Variants in RBFOX2 observed in about 807,000 individuals in gnomAD.
RBFOX2 encodes the protein RNA binding protein fox-1 homolog 2.
Under a neutral mutation model 49.1 loss-of-function variants are expected in RBFOX2, and 10 were observed. The ratio of observed to expected loss-of-function variants is 0.20; its 90% CI spans 0.13 to 0.35. RBFOX2 has a LOEUF of 0.35. Ranked by LOEUF, RBFOX2 falls within the 10% of genes least tolerant of loss-of-function variation. The pLI is 1.00. For synonymous variants in RBFOX2, 183 were observed against 187.4 expected, an observed-to-expected ratio of 0.98 and a Z score of 0.19; for missense variants, 323 against 486.9, an observed-to-expected ratio of 0.66 and a Z score of 3.17.
chr22:36,026,390 C>A (rs894139227), intron 1 of RBFOX2, among the ~76,000 whole-genome samples: 3 of 152,066 alleles, frequency 2.0e-5, no homozygotes, highest in African/African-American at 7.2e-5. Flanking sequence ...CACACCCCTG[C>A]GAAGTCCCTA....
chr22:35,745,960 G>C lies in RBFOX2; in HGVS notation c.1012C>G (p.Pro338Ala), dbSNP rs773996802. Residue 338 changes from proline to alanine, a missense_variant, in exon 11 of 12, where the codon CCC becomes GCC. This residue lies in a region of RBFOX2 where 200 missense variants were observed against 370.0 expected (regional missense o/e 0.54). Coordinates refer to ENST00000405409, the Ensembl canonical transcript of RBFOX2. ...TCCATAGCTAGCGGCAGGGGCAAGG[G>C]CATGGTAGGGGTCGGCTGTGTACAC... 49 of 1,613,942 alleles carry C rather than the reference G, an allele frequency of 3.0e-5. No individual in the cohort carries two copies. The highest frequency in any genetic ancestry group is 4.0e-5 in the Non-Finnish European group (47 of 1,179,940).
At chr22:35,889,788 T>G (rs980175735) in intron 1 of RBFOX2, among the ~76,000 whole-genome samples, 3 of 152,186 alleles carry the variant, frequency 2.0e-5, no homozygotes, top group African/African-American at 7.2e-5. Flanking sequence ...TCTAGTTCTC[T>G]AATTGTGTAG....
intron 4 of RBFOX2, among the ~76,000 whole-genome samples, chr22:35,771,694 T>C (rs913137929): frequency 2.0e-5 from 3 of 152,196 alleles, no homozygotes; most frequent in Non-Finnish European, 4.4e-5. Context: ...TGATTTTCCA[T>C]CAACCCAAAC....
intron 1 of RBFOX2, among the ~76,000 whole-genome samples, chr22:35,835,859 G>A (rs1436558328): frequency 6.6e-6 from 1 of 152,022 alleles, no homozygotes. Context: ...AGACAATCTT[G>A]GCCTCAGCGA....
At chr22:35,919,275 C>T (rs893406479) in intron 1 of RBFOX2, among the ~76,000 whole-genome samples, 1 of 152,172 alleles carries the variant, frequency 6.6e-6, no homozygotes, top group Non-Finnish European at 1.5e-5. Context: ...CAGTGGCTCA[C>T]GCCTGTAATT....
At chr22:35,844,553 G>A (rs1456399905), upstream of RBFOX2, among the ~76,000 whole-genome samples, 1 of 151,716 alleles carries the variant, frequency 6.6e-6, no homozygotes, top group Non-Finnish European at 1.5e-5. Flanking sequence ...GGAGTGCAGT[G>A]GCACGATCTC....
chr22:35,917,660 G>A (rs1053352144), intron 1 of RBFOX2, among the ~76,000 whole-genome samples: 3 of 152,050 alleles, frequency 2.0e-5, no homozygotes, highest in Non-Finnish European at 4.4e-5. Context: ...TGGACACAGT[G>A]CACTGCACGG....
At chr22:36,024,884 T>A (rs1051621081) in intron 1 of RBFOX2, among the ~76,000 whole-genome samples, 1 of 152,018 alleles carries the variant, frequency 6.6e-6, no homozygotes, top group Admixed American at 6.6e-5. Flanking sequence ...CTCAGCTAAC[T>A]GCAACCTCCG....
chr22:35,761,559 G>T, intron 6 of RBFOX2, 91 bp from the exon 8 acceptor site: 1 of 1,369,526 alleles, frequency 7.3e-7, no homozygotes, highest in Non-Finnish European at 1.0e-6. Context: ...CCATCTCTGG[G>T]GCTATTTTTG....
intron 2 of RBFOX2, 100 bp downstream of exon 3, chr22:35,809,680 G>C: frequency 7.7e-7 from 1 of 1,296,948 alleles, no homozygotes; most frequent in Non-Finnish European, 1.1e-6. Context: ...AGGTGTAAAT[G>C]CTAAATTAAT....
At chr22:35,778,613 T>A (rs1047638336) in intron 3 of RBFOX2, among the ~76,000 whole-genome samples, 5 of 151,678 alleles carry the variant, frequency 3.3e-5, no homozygotes, top group Non-Finnish European at 7.4e-5. Context: ...TAAGTAACTA[T>A]AGACATCAGA....
chr22:35,961,456 G>C (rs937520958), intron 1 of RBFOX2: 4 of 1,200,022 alleles, frequency 3.3e-6, no homozygotes, highest in Non-Finnish European at 4.4e-6. Flanking sequence ...AATTCCACAC[G>C]ACCGACCTCT....
intron 1 of RBFOX2, among the ~76,000 whole-genome samples, chr22:35,920,207 G>C (rs1244169764): frequency 6.6e-6 from 1 of 152,180 alleles, no homozygotes; most frequent in Non-Finnish European, 1.5e-5. Context: ...GTATCTAATT[G>C]CATGTGGTTA....
chr22:35,799,682 T>C (rs575214223), intron 2 of RBFOX2, among the ~76,000 whole-genome samples: 15 of 152,214 alleles, frequency 9.9e-5, no homozygotes, highest in Middle Eastern at 6.8e-3. Flanking sequence ...ATGTGGTGGC[T>C]CACTTCTGTA....
chr22:35,883,389 A>G (rs750018147), intron 1 of RBFOX2, among the ~76,000 whole-genome samples: 9 of 152,224 alleles, frequency 5.9e-5, no homozygotes, highest in Non-Finnish European at 1.3e-4. Flanking sequence ...TAGAAGCCCT[A>G]TTGTTTGACG....
At chr22:35,783,149 C>T (rs976759818) in intron 2 of RBFOX2, among the ~76,000 whole-genome samples, 1 of 152,180 alleles carries the variant, frequency 6.6e-6, no homozygotes, top group Non-Finnish European at 1.5e-5. Context: ...CAGAAAACCA[C>T]GTTTTTGCTG....
chr22:35,852,936 A>G (rs1301842875), intron 1 of RBFOX2, among the ~76,000 whole-genome samples: 1 of 152,230 alleles, frequency 6.6e-6, no homozygotes, highest in Non-Finnish European at 1.5e-5. Context: ...CAATTTCCAG[A>G]GAAAGATTTA....
chr22:35,909,101 C>T (rs908933117), intron 1 of RBFOX2, among the ~76,000 whole-genome samples: 12 of 152,308 alleles, frequency 7.9e-5, no homozygotes, highest in South Asian at 6.2e-4. Context: ...CTCGGCCTCC[C>T]GAAGTGCTGG....
Position 36,006,196 on chromosome 22 carries a change from T to C in RBFOX2, c.186+22044A>G, listed in dbSNP as rs60065880. 1.4e-3 allele frequency among the ~76,000 whole-genome samples: 211 copies of C among 152,356 alleles called. 1 individual carries two copies. Among genetic ancestry groups the C allele is most frequent in the African/African-American group, 4.8e-3 (199 of 41,586 alleles). On this transcript the variant is annotated intron_variant, in intron 1 of 13. Transcript: ENST00000438146. ...GATAAAAATTTTTGAAAGCCTCTAATGGACAAAACAACATTGTTACAGCAT... is the reference window on the plus strand; with the variant it reads ...GATAAAAATTTTTGAAAGCCTCTAACGGACAAAACAACATTGTTACAGCAT...
Sources: gnomAD v4.1 joint callset for allele counts (sites outside exome capture counted in the v4.1 genomes callset) on GRCh38, gnomAD v4.1.1 for gene constraint, gnomAD v4.1.1 regional missense constraint, MANE v1.5 for transcripts, NCBI Gene and HGNC (gene_info 2026-07-23, HGNC 2026-07-21) for gene names.